The following MME variants were observed in gnomAD, a reference collection of about 807,000 sequenced individuals.
MME encodes neprilysin.
In MME, 98 loss-of-function variants were observed where a neutral mutation model predicts 113.2. The observed-to-expected ratio is 0.87, with a 90% CI of 0.74 to 1.02. The LOEUF (loss-of-function observed/expected upper bound fraction) is 1.02, where lower values mean the gene tolerates loss of function less well. MME is among the 50% of genes least tolerant of loss of function. The pLI, the probability that MME is intolerant of heterozygous loss-of-function variation, is 0.00. For synonymous variants in MME, 292 were observed against 300.6 expected, an observed-to-expected ratio of 0.97 and a Z score of 0.30; for missense variants, 836 against 896.0, an observed-to-expected ratio of 0.93 and a Z score of 0.86.
chr3:155,025,670 A>AT (rs1484476133), intron 1 of MME, among the ~76,000 whole-genome samples: 1 of 138,896 alleles, frequency 7.2e-6, no homozygotes, highest in Non-Finnish European at 1.5e-5. Flanking sequence ...GTGGTATCAG[A>AT]TTTTTTCTTT....
At chr3:155,171,999 A>G in intron 20 of MME, 118 bp from the exon 21 acceptor site, 1 of 671,500 alleles carries the variant, frequency 1.5e-6, no homozygotes, top group East Asian at 2.7e-5. Flanking sequence ...AACTAAATGT[A>G]TTATCAGGGT....
rs1713296408 is a variant in MME at position 155,183,562 on chromosome 3, T to A, written c.*3103T>A. On this transcript the variant is annotated 3_prime_UTR_variant, in exon 23 of 23. Coordinates refer to ENST00000360490, the MANE Select transcript of MME (RefSeq NM_007289.4). ...TCTCAAAAGCATTTATCATTCTTGTTGCCACAGCTGGAGCTCTCAAACTAA... is the reference window on the plus strand; with the variant it reads ...TCTCAAAAGCATTTATCATTCTTGTAGCCACAGCTGGAGCTCTCAAACTAA... 6.6e-6 allele frequency: 1 copy of A among 152,232 alleles called. No homozygotes were observed. The highest frequency in any genetic ancestry group is 1.5e-5 in the Non-Finnish European group (1 of 68,042). 9.4% of individuals were successfully genotyped at this position (152,232 alleles called of 1,614,324 possible).
At chr3:155,141,887 C>T (rs1721115689) in intron 10 of MME, 104 bp from the exon 11 acceptor site, 1 of 1,227,798 alleles carries the variant, frequency 8.1e-7, no homozygotes, top group African/African-American at 1.5e-5. Flanking sequence ...AGGAAGAATC[C>T]CAAGTGAATA....
intron 3 of MME, among the ~76,000 whole-genome samples, chr3:155,100,237 CA>C (rs1199540642): frequency 6.6e-6 from 1 of 152,126 alleles, no homozygotes; most frequent in Non-Finnish European, 1.5e-5. Context: ...AAAAAGTGGG[CA>C]AAGGATATGA....
chr3:155,081,910 A>G (rs1267564062), intron 1 of MME: 1 of 152,208 alleles, frequency 6.6e-6, no homozygotes, highest in Admixed American at 6.5e-5. Flanking sequence ...TTTACAGGGC[A>G]TTTACAAGAG....
At chr3:155,116,303 T>G (rs1159179099) in intron 4 of MME, among the ~76,000 whole-genome samples, 176 bp from the exon 5 acceptor site, 1 of 152,008 alleles carries the variant, frequency 6.6e-6, no homozygotes, top group Admixed American at 6.6e-5. Context: ...AGGGGTTTGG[T>G]TTTTCCTATA....
At chr3:155,146,148 TAAC>T (rs766568001) in intron 14 of MME, among the ~76,000 whole-genome samples, 76 of 151,822 alleles carry the variant, frequency 5.0e-4, no homozygotes, top group Non-Finnish European at 9.3e-4. Context: ...AAAATAGAAA[TAAC>T]AAGTAGTAAA....
chr3:155,077,031 CATCAT>C (rs1714771068), upstream of MME, among the ~76,000 whole-genome samples: 1 of 152,158 alleles, frequency 6.6e-6, no homozygotes, highest in Non-Finnish European at 1.5e-5. Context: ...CGACCTCCTA[CATCAT>C]CGTATGACTA....
chr3:155,160,370 AG>A lies in MME; in HGVS notation c.1602-19del. 4.7e-6 allele frequency: 4 copies of A among 844,564 alleles called. No individual in the cohort carries two copies. The highest frequency in any genetic ancestry group is 7.0e-6 in the Non-Finnish European group (4 of 572,476). The allele number at this position is 844,564 out of a possible 1,614,324, so 52.3% of individuals were successfully genotyped here. A position where few individuals can be genotyped will look rare whatever the true frequency, so the allele number is the denominator to read the frequency against. On this transcript the variant is annotated intron_variant, in intron 16 of 22. Transcript: ENST00000360490. Reference sequence around the variant, plus strand: ...AGATAATGCAGTATCATTTGTAAAGAGTTCTTATGTTTTCTACAGGTGGATA... The same window carrying A: ...AGATAATGCAGTATCATTTGTAAAGATTCTTATGTTTTCTACAGGTGGATA...
intron 8 of MME, among the ~76,000 whole-genome samples, chr3:155,134,752 C>T (rs966239572): frequency 1.3e-5 from 2 of 152,180 alleles, no homozygotes; most frequent in Non-Finnish European, 2.9e-5. Context: ...TGCATTTTCA[C>T]CACAGTGTAT....
At chr3:155,155,532 A>G (rs1722250741) in intron 16 of MME, among the ~76,000 whole-genome samples, 1 of 152,172 alleles carries the variant, frequency 6.6e-6, no homozygotes, top group Admixed American at 6.5e-5. Context: ...CCAAATAGCC[A>G]AGTGCCTACT....
intron 15 of MME, among the ~76,000 whole-genome samples, chr3:155,147,821 C>T (rs1480526030): frequency 1.3e-5 from 2 of 152,160 alleles, no homozygotes; most frequent in Non-Finnish European, 2.9e-5. Flanking sequence ...GTGATCCTTG[C>T]CCAGGTCCTG....
intron 3 of MME, among the ~76,000 whole-genome samples, chr3:155,086,451 T>G (rs555340912): frequency 6.6e-6 from 1 of 152,280 alleles, no homozygotes; most frequent in African/African-American, 2.4e-5. Context: ...GCCTTGGAAG[T>G]ATTTGAGTTC....
At chr3:155,143,638 C>A in intron 13 of MME, 67 bp downstream of exon 13, 12 of 1,553,856 alleles carry the variant, frequency 7.7e-6, no homozygotes, top group Non-Finnish European at 1.1e-5. Flanking sequence ...CACTGATGAG[C>A]AATTACAGTT....
chr3:155,129,577 A>C (rs1379102356), intron 8 of MME, among the ~76,000 whole-genome samples: 1 of 152,130 alleles, frequency 6.6e-6, no homozygotes, highest in South Asian at 2.1e-4. Context: ...CAGTTGCATC[A>C]TCTCAGAAAG....
intron 1 of MME, among the ~76,000 whole-genome samples, chr3:155,047,417 T>C (rs1713595220): frequency 6.6e-6 from 1 of 152,190 alleles, no homozygotes; most frequent in Non-Finnish European, 1.5e-5. Context: ...GTACACTCTA[T>C]GGTATTCACA....
intron 1 of MME, among the ~76,000 whole-genome samples, chr3:155,038,443 CTG>C (rs1288013857): frequency 6.6e-6 from 1 of 152,200 alleles, no homozygotes; most frequent in African/African-American, 2.4e-5. Context: ...GTTTATCAAA[CTG>C]TCTCTTCCAA....
In MME at chr3:155,167,001, C is replaced by A; in HGVS notation, c.1760C>A (p.Thr587Asn). The part of the protein sequence containing the change: ...GIGMVIGHEI[T>N]HGFDDNGRNF... ...GGCATGGTCATAGGACACGAAATCACCCATGGCTTCGATGACAATGGTAAA... is the reference window on the plus strand; with the variant it reads ...GGCATGGTCATAGGACACGAAATCAACCATGGCTTCGATGACAATGGTAAA... The change falls in exon 18 of 23, where the codon ACC becomes AAC. Residue 587 changes from threonine (T) to asparagine (N), a missense_variant. Thr to Asn is a moderately conservative substitution (Grantham distance 65). Transcript: ENST00000360490. 1 of 1,613,652 alleles carries A rather than the reference C, an allele frequency of 6.2e-7. No individual in the cohort carries two copies. Among genetic ancestry groups the A allele is most frequent in the Non-Finnish European group, 8.5e-7 (1 of 1,179,720 alleles).
intron 15 of MME, among the ~76,000 whole-genome samples, chr3:155,148,070 G>A (rs73875828): frequency 0.027 from 4,084 of 152,204 alleles, 81 homozygotes; most frequent in East Asian, 0.11. Flanking sequence ...AAACTTGGTC[G>A]AGTGACTAAA....
Sources: gnomAD v4.1 joint callset for allele counts (sites outside exome capture counted in the v4.1 genomes callset) on GRCh38, gnomAD v4.1.1 for gene constraint, MANE v1.5 for transcripts, NCBI Gene and HGNC (gene_info 2026-07-23, HGNC 2026-07-21) for gene names.